ZFAT: variants seen among roughly 807,000 people sequenced by gnomAD.
ZFAT encodes zinc finger protein ZFAT.
ZFAT carries 64 observed loss-of-function variants against 117.7 expected under a neutral mutation model. The observed-to-expected ratio is 0.54, with a 90% CI of 0.44 to 0.67. ZFAT has a LOEUF of 0.67. Ranked by LOEUF, ZFAT falls within the 30% of genes least tolerant of loss-of-function variation. ZFAT has a pLI of 0.00. For synonymous variants in ZFAT, 679 were observed against 615.0 expected, an observed-to-expected ratio of 1.10 and a Z score of -1.54; for missense variants, 1,433 against 1,584.5, an observed-to-expected ratio of 0.90 and a Z score of 1.62.
intron 13 of ZFAT, among the ~76,000 whole-genome samples, chr8:134,512,926 G>C (rs959777876): frequency 6.6e-6 from 1 of 152,182 alleles, no homozygotes; most frequent in Non-Finnish European, 1.5e-5. Flanking sequence ...AGATTCTAAC[G>C]GCTCCTCTGT....
intron 15 of ZFAT, among the ~76,000 whole-genome samples, chr8:134,492,979 G>A (rs898600566): frequency 3.9e-5 from 6 of 152,222 alleles, no homozygotes; most frequent in African/African-American, 7.2e-5. Context: ...AAGTGAGGAA[G>A]GCCATGATTC....
Position 134,602,381 on chromosome 8 carries a change from C to A in ZFAT, c.1338G>T (p.Ala446=), listed in dbSNP as rs775361240. Residue 446 remains alanine, a synonymous_variant, in exon 6 of 16, where the codon GCG becomes GCT. Coordinates refer to ENST00000377838, the MANE Select transcript of ZFAT (RefSeq NM_020863.4). ...GGTGCTTCCTGACATGCAGTTCCAG[C>A]GCCTGGTACTTGGTGGCCCCATGGC... The part of the protein sequence containing the change: ...LCGHGATKYQ[A]LELHVRKHPF... 9 of 1,613,702 alleles carry A rather than the reference C, an allele frequency of 5.6e-6. No homozygotes were observed. In the African/African-American group the frequency reaches 9.3e-5, roughly 17 times the overall value.
At chr8:134,536,656 C>G (rs1370140724) in intron 11 of ZFAT, among the ~76,000 whole-genome samples, 1 of 152,190 alleles carries the variant, frequency 6.6e-6, no homozygotes, top group Non-Finnish European at 1.5e-5. Context: ...CTGCAAGTCT[C>G]AAGATTTCAT....
At chr8:134,503,772 T>C (rs1819168273) in intron 15 of ZFAT, among the ~76,000 whole-genome samples, 1 of 152,136 alleles carries the variant, frequency 6.6e-6, no homozygotes, top group African/African-American at 2.4e-5. Context: ...GCTGAAACAC[T>C]GGCCCTTCCT....
At chr8:134,715,613 A>G (rs1814202650), upstream of ZFAT, among the ~76,000 whole-genome samples, 1 of 152,216 alleles carries the variant, frequency 6.6e-6, no homozygotes. Flanking sequence ...ATGAAGACAC[A>G]TTTGTGGAAT....
At chr8:134,767,147 A>C in the ZFAT span, 1 of 152,346 alleles carries the variant, frequency 6.6e-6, no homozygotes, top group East Asian at 1.9e-4. Context: ...ACAGTATATG[A>C]TCAGTTTTTA....
rs781673534 is a variant in ZFAT, at chr8:134,547,222, C to T, written c.2977-14250G>A. On this transcript the variant is annotated intron_variant, in intron 11 of 15. Coordinates refer to ENST00000377838, the MANE Select transcript of ZFAT (RefSeq NM_020863.4). ...AATGTTCACGGCCCGGTCTCCTTGGCCGCTGGAGCACTGATCACCAAAGCT... is the reference window on the plus strand; with the variant it reads ...AATGTTCACGGCCCGGTCTCCTTGGTCGCTGGAGCACTGATCACCAAAGCT... Among the ~76,000 whole-genome samples, 5 of 152,226 alleles carry T rather than the reference C, an allele frequency of 3.3e-5. No homozygotes were observed. In the East Asian group the frequency reaches 9.6e-4, roughly 29 times the overall value.
chr8:134,746,288 TA>T, the ZFAT span, among the ~76,000 whole-genome samples: 1 of 152,234 alleles, frequency 6.6e-6, no homozygotes, highest in Non-Finnish European at 1.5e-5. Flanking sequence ...TGATCATCTG[TA>T]ATTCTATTTG....
rs183137102 is a variant in ZFAT, at chr8:134,638,015, G to A, written c.197-303C>T. Among the ~76,000 whole-genome samples the A allele has an allele frequency of 2.4e-3, 359 of 152,136 alleles. 1 individual carries two copies. Among genetic ancestry groups the A allele is most frequent in the Non-Finnish European group, 2.2e-3 (149 of 68,000 alleles). On this transcript the variant is annotated intron_variant, in intron 2 of 15. Transcript: ENST00000377838. Reference sequence around the variant, plus strand: ...TTTAAGTTGCGGCTGTCAACCCCCCGTTCACAAATCCTGCCCCTTGTTAAG... The same window carrying A: ...TTTAAGTTGCGGCTGTCAACCCCCCATTCACAAATCCTGCCCCTTGTTAAG...
intron 1 of ZFAT, among the ~76,000 whole-genome samples, chr8:134,707,910 G>A (rs1421836937): frequency 2.0e-5 from 3 of 152,188 alleles, no homozygotes; most frequent in African/African-American, 7.2e-5. Flanking sequence ...TCACTGTTGT[G>A]CTATTCACAA....
upstream of ZFAT, among the ~76,000 whole-genome samples, chr8:134,715,647 T>TATA (rs1186965664): frequency 6.6e-6 from 1 of 152,250 alleles, no homozygotes; most frequent in Admixed American, 6.5e-5. Flanking sequence ...CTCGAAAGTA[T>TATA]ATAATTAATG....
intron 11 of ZFAT, among the ~76,000 whole-genome samples, chr8:134,563,567 A>G (rs746847463): frequency 1.2e-4 from 18 of 152,234 alleles, no homozygotes; most frequent in Admixed American, 6.5e-5. Flanking sequence ...GAAGTGCTGA[A>G]TGCAGGTGAG....
upstream of ZFAT, among the ~76,000 whole-genome samples, chr8:134,717,600 A>C (rs1201155070): frequency 6.9e-6 from 1 of 145,806 alleles, no homozygotes; most frequent in African/African-American, 2.5e-5. Flanking sequence ...TCTCCTGCTC[A>C]GCCTTCCGAG....
intron 12 of ZFAT, among the ~76,000 whole-genome samples, chr8:134,532,243 G>A (rs1307385630): frequency 6.6e-6 from 1 of 151,906 alleles, no homozygotes; most frequent in Non-Finnish European, 1.5e-5. Flanking sequence ...TTCTTTTCAG[G>A]ATGAATAAGT....
intron 2 of ZFAT, among the ~76,000 whole-genome samples, chr8:134,650,357 A>G (rs1586890599): frequency 2.6e-5 from 4 of 151,816 alleles, no homozygotes; most frequent in Admixed American, 2.6e-4. Flanking sequence ...CGAACTCCTG[A>G]CCTCATGATC....
At chr8:134,534,537 G>C (rs1821674626) in intron 11 of ZFAT, among the ~76,000 whole-genome samples, 1 of 151,616 alleles carries the variant, frequency 6.6e-6, no homozygotes, top group Non-Finnish European at 1.5e-5. Flanking sequence ...TAGCCCCATA[G>C]AGGCAGATGG....
At chr8:134,587,563 C>T (rs1826157776) in intron 9 of ZFAT, among the ~76,000 whole-genome samples, 1 of 152,208 alleles carries the variant, frequency 6.6e-6, no homozygotes, top group African/African-American at 2.4e-5. Flanking sequence ...TCTGGAAGGG[C>T]TTTCCCTGGC....
chr8:134,491,119 A>C (rs555650032), intron 15 of ZFAT, among the ~76,000 whole-genome samples: 10 of 152,342 alleles, frequency 6.6e-5, no homozygotes, highest in Admixed American at 2.0e-4. Context: ...AACAATAACA[A>C]CAACCTTATT....
chr8:134,535,253 C>T (rs1821744993), intron 11 of ZFAT, among the ~76,000 whole-genome samples: 1 of 152,124 alleles, frequency 6.6e-6, no homozygotes, highest in Admixed American at 6.5e-5. Flanking sequence ...TTGTTGGGTC[C>T]TCTCTCCTGA....
Sources: gnomAD v4.1 joint callset for allele counts (sites outside exome capture counted in the v4.1 genomes callset) on GRCh38, gnomAD v4.1.1 for gene constraint, MANE v1.5 for transcripts, NCBI Gene and HGNC (gene_info 2026-07-23, HGNC 2026-07-21) for gene names.